Variants in LRRC19 observed in about 807,000 individuals in gnomAD.
LRRC19 encodes the protein leucine-rich repeat-containing protein 19.
Under a neutral mutation model 33.3 loss-of-function variants are expected in LRRC19, and 33 were observed. That is an observed-to-expected ratio of 0.99 (90% confidence interval 0.75 to 1.33). The LOEUF is 1.33. Ranked by LOEUF, LRRC19 falls within the 40% of genes most tolerant of loss-of-function variation. The probability of loss-of-function intolerance (pLI) is 0.00; values close to 1 mark genes in which losing one functional copy is unlikely to be tolerated. For synonymous variants in LRRC19, 184 were observed against 152.3 expected, an observed-to-expected ratio of 1.21 and a Z score of -1.53; for missense variants, 463 against 417.3, an observed-to-expected ratio of 1.11 and a Z score of -0.95.
chr9:27,004,642 G>T (rs1828679153), intron 1 of LRRC19, among the ~76,000 whole-genome samples: 1 of 152,196 alleles, frequency 6.6e-6, no homozygotes, highest in African/African-American at 2.4e-5. Flanking sequence ...TCAACAGTTG[G>T]TTTAAAAGGA....
chr9:27,003,060 G>A (rs947912062), intron 1 of LRRC19, among the ~76,000 whole-genome samples: 1 of 152,032 alleles, frequency 6.6e-6, no homozygotes, highest in Non-Finnish European at 1.5e-5. Context: ...TCGTAAACAG[G>A]CTTGCTTTCT....
chr9:26,997,810 T>G lies in LRRC19; in HGVS notation c.513A>C (p.Ile171=). 6.2e-7 allele frequency: 1 copy of G among 1,614,150 alleles called. No homozygotes were observed. Among genetic ancestry groups the G allele is most frequent in the Non-Finnish European group, 8.5e-7 (1 of 1,180,020 alleles). Residue 171 remains isoleucine, a synonymous_variant, in exon 3 of 5, where the codon ATA becomes ATC. Transcript: ENST00000380055. ...DVPPLFHLEL[I]TLYGNLWNCS... is the part of the protein sequence containing the mutation. ...AGTTCCATAGGTTTCCATATAAAGTTATTAATTCCAGATGAAATAGTGGTG... is the reference window on the plus strand; with the variant it reads ...AGTTCCATAGGTTTCCATATAAAGTGATTAATTCCAGATGAAATAGTGGTG...
In LRRC19 at chr9:26,997,727, C is replaced by T. The variant is rs779347423; in HGVS notation, c.595+1G>A. 1.3e-6 allele frequency: 2 copies of T among 1,588,216 alleles called. No individual in the cohort carries two copies. The highest frequency in any genetic ancestry group is 2.3e-5 in the South Asian group (2 of 85,560). Reference sequence around the variant, plus strand: ...GGTTTTGCTTAATTATGATAGCTTACCTAATGTCACATTTGATGTGTTCAA... The same window carrying T: ...GGTTTTGCTTAATTATGATAGCTTATCTAATGTCACATTTGATGTGTTCAA... On this transcript the variant is annotated splice_donor_variant, in intron 3 of 4. Coordinates refer to ENST00000380055, the MANE Select transcript of LRRC19 (RefSeq NM_022901.3). LOFTEE classifies it high-confidence loss of function.
chr9:26,997,702 G>T, intron 3 of LRRC19, 26 bp downstream of exon 3: 1 of 1,557,900 alleles, frequency 6.4e-7, no homozygotes, highest in South Asian at 1.3e-5. Flanking sequence ...ATCACATTTT[G>T]GTTTTGCTTA....
At chr9:27,001,151 GC>G (rs1828461745) in intron 1 of LRRC19, among the ~76,000 whole-genome samples, 1 of 152,038 alleles carries the variant, frequency 6.6e-6, no homozygotes, top group South Asian at 2.1e-4. Flanking sequence ...TGTTTTTATG[GC>G]TGAATAATAT....
Position 26,995,632 on chromosome 9 carries a change from G to T in LRRC19, c.1002C>A (p.Asn334Lys). 6.2e-7 allele frequency: 1 copy of T among 1,613,472 alleles called. No individual in the cohort carries two copies. Among genetic ancestry groups the T allele is most frequent in the Non-Finnish European group, 8.5e-7 (1 of 1,179,494 alleles). Residue 334 changes from asparagine (N) to lysine (K), a missense_variant, in exon 5 of 5, where the codon AAC (asparagine) becomes AAA (lysine). Physicochemically the swap from Asn to Lys is moderately conservative, Grantham distance 94. Coordinates refer to ENST00000380055, the MANE Select transcript of LRRC19 (RefSeq NM_022901.3). ...PSSLSQIPET[N>K]SEETTVIFEQ... Reference sequence around the variant, plus strand: ...CAAATATTACTGTAGTTTCTTCAGAGTTTGTTTCTGGTATCTGTGAAAGAG... The same window carrying T: ...CAAATATTACTGTAGTTTCTTCAGATTTTGTTTCTGGTATCTGTGAAAGAG...
intron 2 of LRRC19, 98 bp downstream of exon 2, chr9:26,999,516 G>T: frequency 1.1e-6 from 1 of 884,662 alleles, no homozygotes; most frequent in Non-Finnish European, 1.7e-6. Flanking sequence ...TAGTAGGTCA[G>T]ATTTTCTTTG....
At chr9:26,999,810 C>G in intron 1 of LRRC19, 107 bp from the exon 2 acceptor site, 2 of 613,826 alleles carry the variant, frequency 3.3e-6, no homozygotes, top group Non-Finnish European at 5.1e-6. Context: ...CAGGGTCTCA[C>G]TCTGTCACAC....
Position 26,997,916 on chromosome 9 carries a change from A to ATTG in LRRC19, c.406_407insCAA (p.Leu136delinsProMet). 1.2e-6 allele frequency: 2 copies of ATTG among 1,614,076 alleles called. No homozygotes were observed. Among genetic ancestry groups the ATTG allele is most frequent in the Non-Finnish European group, 1.7e-6 (2 of 1,180,008 alleles). On this transcript the variant is annotated protein_altering_variant, in exon 3 of 5. Transcript: ENST00000380055. The stretch of plus-strand genomic sequence containing the variant: ...TAGAGGCACAAATACATCAGCATTC[A>ATTG]GTTGTTCTATTTTGTTTTGGCAGAG...
chr9:26,999,833 A>G lies in LRRC19; in HGVS notation c.-9-130T>C, dbSNP rs150478855. On this transcript the variant is annotated intron_variant, in intron 1 of 4. Transcript: ENST00000380055. ...CACTCTGTCACACAGACCTGGTGGC[A>G]TGGTCACAGCTCACTGCAGCCTTGA... 3.7e-3 allele frequency: 2,026 copies of G among 540,882 alleles called. 39 individuals are homozygous for G. In the African/African-American group the frequency reaches 0.04, roughly 11 times the overall value. 33.5% of individuals were successfully genotyped at this position (540,882 alleles called of 1,614,324 possible). A position where few individuals can be genotyped will look rare whatever the true frequency, so the allele number is the denominator to read the frequency against.
chr9:26,996,479 A>G lies in LRRC19; in HGVS notation c.616T>C (p.Cys206Arg). 2 of 1,495,458 alleles carry G rather than the reference A, an allele frequency of 1.3e-6. No homozygotes were observed. Among genetic ancestry groups the G allele is most frequent in the Non-Finnish European group, 1.8e-6 (2 of 1,111,258 alleles). 92.6% of individuals were successfully genotyped at this position (1,495,458 alleles called of 1,614,324 possible). A position where few individuals can be genotyped will look rare whatever the true frequency, so the allele number is the denominator to read the frequency against. The change falls in exon 4 of 5, where the codon TGT becomes CGT. Residue 206 changes from cysteine (C) to arginine (R), a missense_variant. Cys to Arg is a radical substitution (Grantham distance 180). Transcript: ENST00000380055. ...VTLENENITMCSYPNSLQSYN... is the reference protein window; with the variant it reads ...VTLENENITMRSYPNSLQSYN... ...CTCTGCAGGCTGTTGGGGTAGCTAC[A>G]CATGGTGATGTTCTCATTTTCTAGT...
intron 3 of LRRC19, among the ~76,000 whole-genome samples, 153 bp downstream of exon 3, chr9:26,997,575 C>A (rs1828230515): frequency 6.6e-6 from 1 of 152,180 alleles, no homozygotes. Context: ...CTCAGGTGAT[C>A]CCCCTGCCTT....
chr9:26,999,770 C>CTTTTTTTTTTTTTT (rs1179000269), intron 1 of LRRC19, 67 bp from the exon 2 acceptor site: 5 of 340,202 alleles, frequency 1.5e-5, no homozygotes, highest in African/African-American at 1.4e-4. Flanking sequence ...TCTGTTTATT[C>CTTTTTTTTTTTTTT]TTTTTTTTTT....
chr9:26,999,765 T>G, intron 1 of LRRC19, 62 bp from the exon 2 acceptor site: 1 of 1,120,056 alleles, frequency 8.9e-7, no homozygotes, highest in South Asian at 1.6e-5. Flanking sequence ...TTGAATCTGT[T>G]TATTCTTTTT....
chr9:26,999,769 T>G (rs1828375994), intron 1 of LRRC19, 66 bp from the exon 2 acceptor site: 2 of 879,406 alleles, frequency 2.3e-6, no homozygotes, highest in Non-Finnish European at 3.3e-6. Context: ...ATCTGTTTAT[T>G]CTTTTTTTTT....
chr9:26,996,226 A>G, intron 4 of LRRC19, 85 bp downstream of exon 4: 1 of 837,862 alleles, frequency 1.2e-6, no homozygotes, highest in Non-Finnish European at 1.7e-6. Flanking sequence ...TACATTTTTT[A>G]TACAAATTTA....
In LRRC19 at chr9:26,993,145, C is replaced by G. The variant is rs1827962074; in HGVS notation, c.*2376G>C. The G allele has an allele frequency of 6.6e-6, 1 of 151,998 alleles. No individual in the cohort carries two copies. Among genetic ancestry groups the G allele is most frequent in the South Asian group, 2.1e-4 (1 of 4,830 alleles). The allele number at this position is 151,998 out of a possible 1,614,324, so 9.4% of individuals were successfully genotyped here. Reference sequence around the variant, plus strand: ...TATAATTTTATACCCATTTATTTTTCTTTGTGTAGTCAGATATTTATTGAA... The same window carrying G: ...TATAATTTTATACCCATTTATTTTTGTTTGTGTAGTCAGATATTTATTGAA... On this transcript the variant is annotated 3_prime_UTR_variant, in exon 5 of 5. Transcript: ENST00000380055.
intron 3 of LRRC19, 39 bp downstream of exon 3, chr9:26,997,689 T>C (rs201778807): frequency 6.5e-7 from 1 of 1,544,054 alleles, no homozygotes; most frequent in East Asian, 2.2e-5. Flanking sequence ...GAACATTGAG[T>C]TAATCACATT....
At chr9:27,001,938 T>C (rs1828514646) in intron 1 of LRRC19, among the ~76,000 whole-genome samples, 1 of 140,822 alleles carries the variant, frequency 7.1e-6, no homozygotes, top group Admixed American at 7.4e-5. Flanking sequence ...TTTTCTTTTT[T>C]TCTCTTTTTT....
Sources: allele counts gnomAD v4.1 joint callset (sites outside exome capture counted in the v4.1 genomes callset), GRCh38; gene constraint gnomAD v4.1.1; transcripts MANE v1.5; gene names NCBI Gene and HGNC (gene_info 2026-07-23, HGNC 2026-07-21).